Variants in SH3GL3 observed in about 807,000 individuals in gnomAD.
SH3GL3 encodes the protein endophilin-A3.
In SH3GL3, 33 loss-of-function variants were observed where a neutral mutation model predicts 47.7. The ratio of observed to expected loss-of-function variants is 0.69; its 90% CI spans 0.52 to 0.92. The LOEUF is 0.92. SH3GL3 is among the 40% of genes least tolerant of loss of function. The pLI, the probability that SH3GL3 is intolerant of heterozygous loss-of-function variation, is 0.00. For synonymous variants in SH3GL3, 155 were observed against 148.8 expected, an observed-to-expected ratio of 1.04 and a Z score of -0.30; for missense variants, 363 against 417.8, an observed-to-expected ratio of 0.87 and a Z score of 1.14.
At chr15:83,586,922 C>G in intron 6 of SH3GL3, 61 bp from the exon 7 acceptor site, 1 of 837,388 alleles carries the variant, frequency 1.2e-6, no homozygotes, top group South Asian at 1.7e-5. Context: ...CTGGTCTCCT[C>G]TCTCTCTGGA....
intron 1 of SH3GL3, among the ~76,000 whole-genome samples, chr15:83,494,088 A>T (rs1252255042): frequency 6.6e-6 from 1 of 152,170 alleles, no homozygotes; most frequent in Non-Finnish European, 1.5e-5. Flanking sequence ...TTCCAGAGGG[A>T]AGCTGGGATA....
intron 4 of SH3GL3, among the ~76,000 whole-genome samples, chr15:83,572,284 A>G (rs983960879): frequency 2.6e-5 from 4 of 152,202 alleles, no homozygotes; most frequent in African/African-American, 9.6e-5. Context: ...TTTAGAAAGG[A>G]TCTTTATCCC....
Position 83,575,137 on chromosome 15 carries a change from G to T in SH3GL3, c.466-1446G>T, listed in dbSNP as rs377195534. On this transcript the variant is annotated intron_variant, in intron 5 of 8. Transcript: ENST00000427482. Reference sequence around the variant, plus strand: ...TGTTTTTGCAAATTATTTTTGAATGGTTGATTCTAGAGAAGTGACAGTCTG... The same window carrying T: ...TGTTTTTGCAAATTATTTTTGAATGTTTGATTCTAGAGAAGTGACAGTCTG... Among the ~76,000 whole-genome samples, 242 of 152,270 alleles carry T rather than the reference G, an allele frequency of 1.6e-3. 8 individuals are homozygous for T. The South Asian group carries it at 0.048, about 30-fold the overall frequency.
chr15:83,544,998 A>G (rs879309914), intron 1 of SH3GL3, among the ~76,000 whole-genome samples: 9 of 152,094 alleles, frequency 5.9e-5, no homozygotes, highest in Admixed American at 5.9e-4. Context: ...GTCTTGAAGT[A>G]GTCTTATTTA....
intron 1 of SH3GL3, among the ~76,000 whole-genome samples, chr15:83,536,405 C>CTTTTCTTTTCTTTTCT (rs1555491015): frequency 1.8e-5 from 2 of 113,682 alleles, no homozygotes; most frequent in African/African-American, 3.0e-5. Flanking sequence ...CTTTTCTTTT[C>CTTTTCTTTTCTTTTCT]TTTTTTTTTT....
intron 8 of SH3GL3, among the ~76,000 whole-genome samples, chr15:83,590,534 C>T (rs2060066924): frequency 6.6e-6 from 1 of 152,202 alleles, no homozygotes; most frequent in African/African-American, 2.4e-5. Context: ...ACATCCCCAC[C>T]AGCAATATAT....
intron 1 of SH3GL3, among the ~76,000 whole-genome samples, chr15:83,481,638 G>C (rs974414029): frequency 2.0e-5 from 3 of 152,210 alleles, no homozygotes; most frequent in African/African-American, 7.2e-5. Context: ...GAGCACAGTG[G>C]TGCATTATGA....
chr15:83,577,057 C>T (rs534358917), intron 6 of SH3GL3, among the ~76,000 whole-genome samples: 2 of 150,718 alleles, frequency 1.3e-5, no homozygotes, highest in African/African-American at 2.4e-5. Context: ...ATTACAGCCA[C>T]GCACCACCAC....
chr15:83,537,928 G>C (rs961756248), intron 1 of SH3GL3, among the ~76,000 whole-genome samples: 1 of 152,070 alleles, frequency 6.6e-6, no homozygotes, highest in Non-Finnish European at 1.5e-5. Flanking sequence ...GAGGAATGTG[G>C]TACACAGAGA....
intron 8 of SH3GL3, among the ~76,000 whole-genome samples, chr15:83,612,424 A>C (rs8039390): frequency 0.32 from 48,175 of 152,086 alleles, 8,798 homozygotes; most frequent in South Asian, 0.5. Context: ...GCCGTGTGTC[A>C]CTGCCCCCAG....
At chr15:83,542,967 T>C (rs1348589432) in intron 1 of SH3GL3, among the ~76,000 whole-genome samples, 2 of 149,456 alleles carry the variant, frequency 1.3e-5, no homozygotes, top group Non-Finnish European at 3.0e-5. Flanking sequence ...CTTTATCATC[T>C]GATTAGCTAC....
In SH3GL3 at chr15:83,476,856, A is replaced by AT. The variant is rs774577238; in HGVS notation, c.45+29279dup. Among the ~76,000 whole-genome samples the AT allele has an allele frequency of 3.3e-5, 5 of 152,216 alleles. No homozygotes were observed. In the East Asian group the frequency reaches 9.6e-4, roughly 29 times the overall value. On this transcript the variant is annotated intron_variant, in intron 1 of 8. Coordinates refer to ENST00000427482, the MANE Select transcript of SH3GL3 (RefSeq NM_003027.5). Reference sequence around the variant, plus strand: ...GACTATAAGTCTGGGCAATTGAAGTATGGCGGTATGCATGTTTCTGAAGCC... The same window carrying AT: ...GACTATAAGTCTGGGCAATTGAAGTATTGGCGGTATGCATGTTTCTGAAGCC...
intron 1 of SH3GL3, among the ~76,000 whole-genome samples, chr15:83,500,716 G>A (rs974219871): frequency 5.3e-5 from 8 of 152,246 alleles, no homozygotes; most frequent in Non-Finnish European, 4.4e-5. Context: ...CTGAGGTGCA[G>A]TTTCTTCTTG....
At position 83,576,703 on chromosome 15, in the gene SH3GL3, T is replaced by C; in HGVS notation, c.586T>C (p.Leu196=). The change falls in exon 6 of 9, where the codon TTG becomes CTG. Residue 196 remains leucine, a synonymous_variant. Coordinates refer to ENST00000427482, the MANE Select transcript of SH3GL3 (RefSeq NM_003027.5). ...AVEKFEESKE[L]AERSMFNFLE... ...AGAAAAATTTGAAGAGTCAAAGGAG[T>C]TGGCTGAAAGAAGCATGTTTAACTT... is the stretch of plus-strand genomic sequence containing the variant. 1 of 1,612,258 alleles carries C rather than the reference T, an allele frequency of 6.2e-7. No individual in the cohort carries two copies. Among genetic ancestry groups the C allele is most frequent in the South Asian group, 1.1e-5 (1 of 90,870 alleles).
chr15:83,526,151 TA>T (rs1275693264), intron 1 of SH3GL3, among the ~76,000 whole-genome samples: 1 of 152,152 alleles, frequency 6.6e-6, no homozygotes, highest in Non-Finnish European at 1.5e-5. Context: ...TCCTGGCTAT[TA>T]TTAAAAAGTC....
downstream of SH3GL3, chr15:83,618,865 G>A (rs1278704605): frequency 1.3e-5 from 2 of 153,214 alleles, no homozygotes; most frequent in Non-Finnish European, 2.9e-5. Context: ...CCTCCTGATG[G>A]GAGCCTTCGC....
intron 1 of SH3GL3, 120 bp from the exon 2 acceptor site, chr15:83,559,129 GAGTT>G (rs536380396): frequency 1.3e-5 from 8 of 635,106 alleles, no homozygotes; most frequent in African/African-American, 5.5e-5. Flanking sequence ...TTTCTTAAAG[GAGTT>G]AGTTCAAAAA....
intron 1 of SH3GL3, among the ~76,000 whole-genome samples, chr15:83,522,010 G>A (rs1224883643): frequency 6.6e-6 from 1 of 152,164 alleles, no homozygotes; most frequent in Non-Finnish European, 1.5e-5. Context: ...AGAGGACACA[G>A]AGAGGAACAG....
the SH3GL3 span, among the ~76,000 whole-genome samples, chr15:83,632,834 T>A: frequency 1.3e-5 from 2 of 152,204 alleles, no homozygotes; most frequent in African/African-American, 4.8e-5. Flanking sequence ...GACAATAGAC[T>A]TCTGTACCAA....
Sources: gnomAD v4.1 joint callset for allele counts (sites outside exome capture counted in the v4.1 genomes callset) on GRCh38, gnomAD v4.1.1 for gene constraint, MANE v1.5 for transcripts, NCBI Gene and HGNC (gene_info 2026-07-23, HGNC 2026-07-21) for gene names.